The following SLC24A3 variants were observed in gnomAD, a reference collection of about 807,000 sequenced individuals.
SLC24A3 encodes sodium/potassium/calcium exchanger 3.
A neutral mutation model predicts 75.8 loss-of-function variants in SLC24A3; 28 were observed. The observed-to-expected ratio is 0.37, with a 90% confidence interval of 0.27 to 0.51. The LOEUF is 0.51. SLC24A3 is among the 20% of genes least tolerant of loss of function. The probability of loss-of-function intolerance (pLI) is 0.94; values close to 1 mark genes in which losing one functional copy is unlikely to be tolerated. For synonymous variants in SLC24A3, 372 were observed against 334.1 expected (o/e 1.11, Z -1.24); for missense variants, 663 against 847.8 (o/e 0.78, Z 2.71).
intron 2 of SLC24A3, among the ~76,000 whole-genome samples, chr20:19,315,266 T>C (rs1250687422): frequency 6.6e-6 from 1 of 152,104 alleles, no homozygotes; most frequent in Non-Finnish European, 1.5e-5. Context: ...AAATGGGAAA[T>C]GGAAAGGAGG....
chr20:19,535,424 T>C (rs1373262037), intron 3 of SLC24A3, among the ~76,000 whole-genome samples: 1 of 152,192 alleles, frequency 6.6e-6, no homozygotes, highest in Non-Finnish European at 1.5e-5. Flanking sequence ...TGCTCTGTCA[T>C]CCTTCACCAG....
chr20:19,546,166 A>AAAAAAAAAAC, intron 3 of SLC24A3, among the ~76,000 whole-genome samples: 1 of 96,382 alleles, frequency 1.0e-5, no homozygotes, highest in South Asian at 3.2e-4. Flanking sequence ...CTCAAAAAAA[A>AAAAAAAAAAC]AAAAAAAAAA....
chr20:19,442,565 T>TTGTGTG (rs1164097422), intron 2 of SLC24A3, among the ~76,000 whole-genome samples: 1 of 152,208 alleles, frequency 6.6e-6, no homozygotes, highest in Non-Finnish European at 1.5e-5. Flanking sequence ...TGTTTGCGTA[T>TTGTGTG]TGTTGAATTT....
chr20:19,308,483 T>C (rs1341442375), intron 2 of SLC24A3, among the ~76,000 whole-genome samples: 2 of 152,180 alleles, frequency 1.3e-5, no homozygotes, highest in Non-Finnish European at 2.9e-5. Flanking sequence ...GGCCACCAGC[T>C]GAGGGGAGGG....
intron 1 of SLC24A3, among the ~76,000 whole-genome samples, chr20:19,278,263 G>T (rs970618047): frequency 6.6e-6 from 1 of 152,144 alleles, no homozygotes; most frequent in Non-Finnish European, 1.5e-5. Flanking sequence ...GCATGTCTAC[G>T]CTGGCCCCCA....
chr20:19,477,525 A>G (rs1987980895), intron 2 of SLC24A3, among the ~76,000 whole-genome samples: 1 of 152,228 alleles, frequency 6.6e-6, no homozygotes, highest in Non-Finnish European at 1.5e-5. Flanking sequence ...TCTCTTCCAC[A>G]GTGTAAGTGT....
At chr20:19,471,861 C>T (rs772889469) in intron 2 of SLC24A3, among the ~76,000 whole-genome samples, 4 of 152,126 alleles carry the variant, frequency 2.6e-5, no homozygotes, top group African/African-American at 4.8e-5. Flanking sequence ...ATCCAAATTT[C>T]AAACGGTTCC....
At chr20:19,695,271 G>A (rs189238831) in intron 13 of SLC24A3, among the ~76,000 whole-genome samples, 63 of 152,322 alleles carry the variant, frequency 4.1e-4, no homozygotes, top group South Asian at 6.2e-4. Context: ...AGGAGGAACT[G>A]TGAGAAGAAT....
intron 13 of SLC24A3, 128 bp from the exon 14 acceptor site, chr20:19,696,669 G>A (rs1477758664): frequency 3.1e-6 from 2 of 648,312 alleles, no homozygotes; most frequent in Non-Finnish European, 5.6e-6. Flanking sequence ...TATTGATACA[G>A]AGAGCAGACA....
At chr20:19,452,863 A>G (rs966567312) in intron 2 of SLC24A3, among the ~76,000 whole-genome samples, 1 of 152,132 alleles carries the variant, frequency 6.6e-6, no homozygotes, top group Admixed American at 6.5e-5. Context: ...AAAAATAATA[A>G]TACTAATAAT....
intron 2 of SLC24A3, among the ~76,000 whole-genome samples, chr20:19,420,436 G>T (rs1986898563): frequency 7.2e-6 from 1 of 138,056 alleles, no homozygotes; most frequent in African/African-American, 2.8e-5. Context: ...CTAGTTTCCA[G>T]TCCCACCAAC....
intron 2 of SLC24A3, among the ~76,000 whole-genome samples, chr20:19,462,037 G>A (rs551801405): frequency 2.8e-4 from 43 of 152,208 alleles, no homozygotes; most frequent in Non-Finnish European, 5.7e-4. Flanking sequence ...TTAGGTTCAG[G>A]GAGTCCGTGT....
intron 2 of SLC24A3, among the ~76,000 whole-genome samples, chr20:19,282,503 G>A (rs957433170): frequency 2.0e-5 from 3 of 152,338 alleles, no homozygotes; most frequent in Non-Finnish European, 2.9e-5. Flanking sequence ...ACTGAACCAC[G>A]TGTACTTTAA....
At chr20:19,619,074 G>A (rs2031772666) in intron 6 of SLC24A3, among the ~76,000 whole-genome samples, 1 of 152,158 alleles carries the variant, frequency 6.6e-6, no homozygotes, top group African/African-American at 2.4e-5. Flanking sequence ...AAATGTGACA[G>A]CAAATTATTT....
In SLC24A3 at chr20:19,424,500, G is replaced by A. The variant is rs556604484; in HGVS notation, c.272-90988G>A. On this transcript the variant is annotated intron_variant, in intron 2 of 16. Coordinates refer to ENST00000328041, the MANE Select transcript of SLC24A3 (RefSeq NM_020689.4). The stretch of plus-strand genomic sequence containing the variant: ...AGGTCAGGAGTTCAAGACCAGCCTG[G>A]CCAACATGGTGAAACCCCAGCTCTA... 2.0e-5 allele frequency among the ~76,000 whole-genome samples: 3 copies of A among 152,034 alleles called. No individual in the cohort carries two copies. In the South Asian group the frequency reaches 6.2e-4, roughly 32 times the overall value.
rs139265204 is a variant in SLC24A3 at position 19,546,490 on chromosome 20, G to A, written c.348+30926G>A. Among the ~76,000 whole-genome samples, 1,141 of 152,274 alleles carry A rather than the reference G, an allele frequency of 7.5e-3. 15 individuals carry two copies. The highest frequency in any genetic ancestry group is 0.035 in the Admixed American group (536 of 15,300). ...TTGACAGAAGTGGGCTGGAAGGACC[G>A]GAGCCCTGCTCCCTGAACCCCATCA... is the stretch of plus-strand genomic sequence containing the variant. On this transcript the variant is annotated intron_variant, in intron 3 of 16. Transcript: ENST00000328041.
At chr20:19,610,143 T>G (rs925962697) in intron 6 of SLC24A3, among the ~76,000 whole-genome samples, 5 of 152,218 alleles carry the variant, frequency 3.3e-5, no homozygotes, top group Non-Finnish European at 7.3e-5. Context: ...TCTTTTGTCT[T>G]CCTCGGCTTT....
At chr20:19,550,580 G>A (rs1276837700) in intron 3 of SLC24A3, among the ~76,000 whole-genome samples, 1 of 152,194 alleles carries the variant, frequency 6.6e-6, no homozygotes, top group East Asian at 1.9e-4. Flanking sequence ...GTGAAGGTGT[G>A]CATGTGTACA....
chr20:19,685,148 G>A lies in SLC24A3; in HGVS notation c.1111G>A (p.Val371Met). Residue 371 changes from valine to methionine, a missense_variant, in exon 12 of 17, where the codon GTG (valine) becomes ATG (methionine). Transcript: ENST00000328041. ...SRAYTNGESEVAIKIPIKHTV... is the reference protein window; with the variant it reads ...SRAYTNGESEMAIKIPIKHTV... ...GGCTTATACCAACGGGGAATCTGAG[G>A]TGGCCATCAAAATCCCAATTAAGCA... The A allele has an allele frequency of 1.2e-6, 2 of 1,613,818 alleles. No homozygotes were observed. The highest frequency in any genetic ancestry group is 1.3e-5 in the African/African-American group (1 of 75,024).
Sources: gnomAD v4.1 joint callset for allele counts (sites outside exome capture counted in the v4.1 genomes callset) on GRCh38, gnomAD v4.1.1 for gene constraint, MANE v1.5 for transcripts, NCBI Gene and HGNC (gene_info 2026-07-23, HGNC 2026-07-21) for gene names.